Variants in TRAPPC8 observed in about 807,000 individuals in gnomAD.
TRAPPC8 encodes the protein general sporulation gene 1 homolog.
A neutral mutation model predicts 174.3 loss-of-function variants in TRAPPC8; 54 were observed. The ratio of observed to expected loss-of-function variants is 0.31; its 90% confidence interval spans 0.25 to 0.39. The LOEUF is 0.39. TRAPPC8 is among the 10% of genes least tolerant of loss of function. TRAPPC8 has a pLI of 1.00. For missense variants in TRAPPC8, 1,531 were observed against 1,699.1 expected, an observed-to-expected ratio of 0.90 and a Z score of 1.74; for synonymous variants, 630 against 579.9, an observed-to-expected ratio of 1.09 and a Z score of -1.24.
chr18:31,900,986 G>A lies in TRAPPC8; in HGVS notation c.1429C>T (p.Pro477Ser), dbSNP rs1242885968. 1.3e-6 allele frequency: 2 copies of A among 1,587,372 alleles called. No individual in the cohort carries two copies. Among genetic ancestry groups the A allele is most frequent in the African/African-American group, 1.4e-5 (1 of 72,620 alleles). Residue 477 changes from proline to serine, a missense_variant, in exon 10 of 29, where the codon CCT (proline) becomes TCT (serine). Coordinates refer to ENST00000283351, the MANE Select transcript of TRAPPC8 (RefSeq NM_014939.5). ...ATGTAATGAGCAGGATATGGCCTAG[G>A]TGCTCCTGGTTGAAGAAAAGCAGAC... ...AVSAFLQPGA[P>S]RPYPAHYMDT...
intron 12 of TRAPPC8, among the ~76,000 whole-genome samples, chr18:31,880,119 ATAT>A (rs1411095023): frequency 2.4e-3 from 173 of 72,808 alleles, no homozygotes; most frequent in African/African-American, 6.8e-3. Context: ...ATATATATAT[ATAT>A]TTTTTTTTTT....
At chr18:31,941,806 T>C (rs2038356798) in intron 1 of TRAPPC8, among the ~76,000 whole-genome samples, 1 of 152,230 alleles carries the variant, frequency 6.6e-6, no homozygotes, top group Non-Finnish European at 1.5e-5. Context: ...ACTTTGTTGT[T>C]TGCAAGATAT....
intron 2 of TRAPPC8, among the ~76,000 whole-genome samples, chr18:31,919,580 ATAAATAAAT>A (rs2037294350): frequency 8.5e-6 from 1 of 118,208 alleles, no homozygotes; most frequent in Non-Finnish European, 1.8e-5. Context: ...AAATAAATAA[ATAAATAAAT>A]AAAATAATAA....
chr18:31,837,843 G>A (rs1271152929), intron 27 of TRAPPC8, among the ~76,000 whole-genome samples: 2 of 151,856 alleles, frequency 1.3e-5, no homozygotes, highest in East Asian at 3.9e-4. Flanking sequence ...TGCAATGGCT[G>A]ACTCTTACTA....
At chr18:31,845,593 A>C (rs2033357246) in intron 26 of TRAPPC8, among the ~76,000 whole-genome samples, 1 of 152,182 alleles carries the variant, frequency 6.6e-6, no homozygotes. Context: ...TTAAGGGAAA[A>C]AAACTAATAC....
rs2038407149 is a variant in TRAPPC8 at position 31,942,772 on chromosome 18, G to C, written c.-8C>G. The C allele has an allele frequency of 7.0e-7, 1 of 1,433,610 alleles. No homozygotes were observed. Among genetic ancestry groups the C allele is most frequent in the Non-Finnish European group, 9.2e-7 (1 of 1,084,410 alleles). 88.8% of individuals were successfully genotyped at this position (1,433,610 alleles called of 1,614,324 possible). A position where few individuals can be genotyped will look rare whatever the true frequency, so the allele number is the denominator to read the frequency against. ...TTGTACACACTGGGCCATCGCCGCA[G>C]CACAGGCAGCGGCGGCGCCCGCCCT... On this transcript the variant is annotated 5_prime_UTR_variant, in exon 1 of 29. Coordinates refer to ENST00000283351, the MANE Select transcript of TRAPPC8 (RefSeq NM_014939.5).
chr18:31,846,676 C>A, intron 26 of TRAPPC8, 40 bp downstream of exon 26: 1 of 1,475,792 alleles, frequency 6.8e-7, no homozygotes, highest in Non-Finnish European at 9.2e-7. Context: ...AAAAAACCCA[C>A]AAGTTCACCA....
chr18:31,889,318 A>G (rs1598679628), intron 12 of TRAPPC8, among the ~76,000 whole-genome samples: 1 of 152,352 alleles, frequency 6.6e-6, no homozygotes, highest in East Asian at 1.9e-4. Flanking sequence ...ATGCTCTATA[A>G]TCTGGGAAGG....
At chr18:31,886,413 CT>C (rs1355352155) in intron 12 of TRAPPC8, among the ~76,000 whole-genome samples, 1 of 144,718 alleles carries the variant, frequency 6.9e-6, no homozygotes, top group East Asian at 2.1e-4. Context: ...GTATTAAAAA[CT>C]GATAGATATA....
At chr18:31,915,870 G>C (rs1174300210) in intron 4 of TRAPPC8, among the ~76,000 whole-genome samples, 4 of 144,268 alleles carry the variant, frequency 2.8e-5, no homozygotes, top group Non-Finnish European at 4.5e-5. Context: ...CTGGGCGACA[G>C]AGTGAGACTC....
chr18:31,884,639 T>C (rs2035615566), intron 12 of TRAPPC8, among the ~76,000 whole-genome samples: 1 of 152,150 alleles, frequency 6.6e-6, no homozygotes, highest in Non-Finnish European at 1.5e-5. Flanking sequence ...TGTTTCAAAA[T>C]ATACTAGTTT....
At chr18:31,840,911 TAA>T (rs35355808) in intron 26 of TRAPPC8, among the ~76,000 whole-genome samples, 12 of 136,464 alleles carry the variant, frequency 8.8e-5, no homozygotes, top group Admixed American at 7.4e-5. Flanking sequence ...GGGCTACTGG[TAA>T]AAAAAAAAAA....
chr18:31,901,863 G>A (rs1186022994), intron 9 of TRAPPC8, among the ~76,000 whole-genome samples: 2 of 152,204 alleles, frequency 1.3e-5, no homozygotes, highest in Non-Finnish European at 2.9e-5. Flanking sequence ...TATACAATGT[G>A]CTTATGGGTG....
chr18:31,878,071 C>T (rs557293761), intron 12 of TRAPPC8, among the ~76,000 whole-genome samples: 36 of 152,124 alleles, frequency 2.4e-4, no homozygotes, highest in Non-Finnish European at 7.4e-5. Flanking sequence ...GAAGAAGTTC[C>T]GCCCTGAGCC....
chr18:31,895,811 ATAGT>A (rs1336597701), intron 11 of TRAPPC8: 3 of 152,230 alleles, frequency 2.0e-5, no homozygotes, highest in African/African-American at 2.4e-5. Flanking sequence ...AGCTCTACAA[ATAGT>A]TTGTCTGTTA....
intron 2 of TRAPPC8, among the ~76,000 whole-genome samples, chr18:31,924,285 C>CAA (rs199557108): frequency 3.6e-5 from 5 of 139,058 alleles, no homozygotes; most frequent in South Asian, 4.6e-4. Flanking sequence ...GAATCCGTCT[C>CAA]AAAAAAAAAA....
chr18:31,865,183 T>C (rs1376215557), intron 18 of TRAPPC8, among the ~76,000 whole-genome samples: 4 of 152,072 alleles, frequency 2.6e-5, no homozygotes, highest in Non-Finnish European at 5.9e-5. Flanking sequence ...AGGTCAACTT[T>C]TTACTTTTAC....
chr18:31,906,485 G>A (rs548058032), intron 9 of TRAPPC8, among the ~76,000 whole-genome samples: 6 of 151,390 alleles, frequency 4.0e-5, no homozygotes, highest in Non-Finnish European at 7.4e-5. Flanking sequence ...CTGTCAGCCT[G>A]TGAATATTTT....
At chr18:31,874,227 T>C in intron 13 of TRAPPC8, 1 of 422,226 alleles carries the variant, frequency 2.4e-6, no homozygotes, top group East Asian at 3.7e-5. Flanking sequence ...TGTGGAATCT[T>C]TTTTTTTTTT....
Sources: allele counts gnomAD v4.1 joint callset (sites outside exome capture counted in the v4.1 genomes callset), GRCh38; gene constraint gnomAD v4.1.1; transcripts MANE v1.5; gene names NCBI Gene and HGNC (gene_info 2026-07-23, HGNC 2026-07-21).